The following MIS12 variants were observed in gnomAD, a reference collection of about 807,000 sequenced individuals.
The protein encoded by MIS12 is protein MIS12 homolog.
In MIS12, 13 loss-of-function variants were observed where a neutral mutation model predicts 16.5. The ratio of observed to expected loss-of-function variants is 0.79; its 90% CI spans 0.51 to 1.25. The LOEUF (loss-of-function observed/expected upper bound fraction) is 1.25, where lower values mean the gene tolerates loss of function less well. Among genes scored for constraint, MIS12 ranks in the 50% most tolerant of loss-of-function variants. The pLI is 0.00. For missense variants in MIS12, 199 were observed against 239.5 expected, an observed-to-expected ratio of 0.83 and a Z score of 1.12; for synonymous variants, 97 against 87.3, an observed-to-expected ratio of 1.11 and a Z score of -0.62.
At position 5,489,080 on chromosome 17, in the gene MIS12, G is replaced by T. The variant is rs377183328; in HGVS notation, c.218G>T (p.Gly73Val). The T allele has an allele frequency of 3.7e-6, 6 of 1,614,062 alleles. No individual in the cohort carries two copies. In the African/African-American group the frequency reaches 8.0e-5, roughly 22 times the overall value. ...GAGAAGTTTCTTTGCTTCATGAAAG[G>T]ACATTTTGATAACCTTTTTAGCAAA... The part of the protein sequence containing the change: ...CTEKFLCFMK[G>V]HFDNLFSKME... Residue 73 changes from glycine (G) to valine (V), a missense_variant, in exon 3 of 3, where the codon GGA becomes GTA. Physicochemically the swap from Gly to Val is moderately radical, Grantham distance 109 (BLOSUM62 -3). Transcript: ENST00000611091.
Position 5,489,150 on chromosome 17 carries a change from C to T in MIS12, c.288C>T (p.Asn96=). 6.2e-7 allele frequency: 1 copy of T among 1,614,198 alleles called. No homozygotes were observed. Residue 96 remains asparagine (N), a synonymous_variant, in exon 3 of 3, where the codon AAC becomes AAT. Coordinates refer to ENST00000611091, the MANE Select transcript of MIS12 (RefSeq NM_001258217.2). ...FLQLILRIPS[N]ILLPEDKCKE... ...AGCTGATTTTACGTATTCCCTCAAA[C>T]ATCTTGCTTCCTGAAGATAAATGTA...
chr17:5,489,669 G>GC lies in MIS12; in HGVS notation c.*189_*190insC. Reference sequence around the variant, plus strand: ...TTGGTCCACTTTGCTGAGGTATGAAGTGTACTACTTTGAACTAGGCTGAAG... The same window carrying GC: ...TTGGTCCACTTTGCTGAGGTATGAAGCTGTACTACTTTGAACTAGGCTGAAG... On this transcript the variant is annotated 3_prime_UTR_variant, in exon 3 of 3. Transcript: ENST00000611091. 2 of 626,030 alleles carry GC rather than the reference G, an allele frequency of 3.2e-6. No individual in the cohort carries two copies. Among genetic ancestry groups the GC allele is most frequent in the South Asian group, 2.8e-5 (1 of 36,098 alleles). The allele number at this position is 626,030 out of a possible 1,614,324, so 38.8% of individuals were successfully genotyped here.
chr17:5,489,475 T>A lies in MIS12; in HGVS notation c.613T>A (p.Ser205Thr). The change falls in exon 3 of 3, where the codon TCT becomes ACT. Residue 205 changes from serine (S) to threonine (T), a missense_variant. Ser to Thr is a moderately conservative substitution (Grantham distance 58). Coordinates refer to ENST00000611091, the MANE Select transcript of MIS12 (RefSeq NM_001258217.2). ...AAAGGAATCGAAACGACTGAAAATA[T>A]CTTAATTGCTCAGTAGTCAAAAGGA... is the stretch of plus-strand genomic sequence containing the variant. ...VEKESKRLKI[S>T] is the part of the protein sequence containing the mutation. The A allele has an allele frequency of 6.3e-7, 1 of 1,582,592 alleles. No homozygotes were observed. The highest frequency in any genetic ancestry group is 1.2e-5 in the South Asian group (1 of 84,614).
Position 5,488,747 on chromosome 17 carries a change from A to C in MIS12, c.-40-76A>C. On this transcript the variant is annotated intron_variant, in intron 2 of 2. Transcript: ENST00000611091. The stretch of plus-strand genomic sequence containing the variant: ...TTATTGATTTGCTTCTTTGTTTGCT[A>C]TCTGTAATGTGATTGGTTACTTCCT... 4 of 1,128,126 alleles carry C rather than the reference A, an allele frequency of 3.5e-6. No homozygotes were observed. The South Asian group carries it at 6.4e-5, about 18-fold the overall frequency. 69.9% of individuals were successfully genotyped at this position (1,128,126 alleles called of 1,614,324 possible). A position where few individuals can be genotyped will look rare whatever the true frequency, so the allele number is the denominator to read the frequency against.
chr17:5,487,866 T>C (rs1906486109), intron 1 of MIS12, among the ~76,000 whole-genome samples: 4 of 152,240 alleles, frequency 2.6e-5, no homozygotes, highest in Non-Finnish European at 4.4e-5. Flanking sequence ...CTGCATCTTA[T>C]CTTCCCATAA....
In MIS12 at chr17:5,489,311, C is replaced by T. The variant is rs373784464; in HGVS notation, c.449C>T (p.Ala150Val). The T allele has an allele frequency of 6.2e-7, 1 of 1,613,828 alleles. No individual in the cohort carries two copies. Among genetic ancestry groups the T allele is most frequent in the Non-Finnish European group, 8.5e-7 (1 of 1,180,028 alleles). ...AELEEQKIVQAKLKQTLTFFD... is the reference protein window; with the variant it reads ...AELEEQKIVQVKLKQTLTFFD... ...TTAGAAGAGCAAAAAATTGTTCAGG[C>T]CAAACTCAAACAGACGTTGACTTTC... is the stretch of plus-strand genomic sequence containing the variant. The change falls in exon 3 of 3, where the codon GCC (alanine) becomes GTC (valine). Residue 150 changes from alanine (A) to valine (V), a missense_variant. By Grantham distance (64) the Ala-to-Val change is moderately conservative (BLOSUM62 0). Transcript: ENST00000611091.
rs1360074140 is a variant in MIS12 at position 5,488,974 on chromosome 17, G to C, written c.112G>C (p.Ala38Pro). 1.2e-6 allele frequency: 2 copies of C among 1,614,104 alleles called. No individual in the cohort carries two copies. The highest frequency in any genetic ancestry group is 1.7e-6 in the Non-Finnish European group (2 of 1,180,052). Residue 38 changes from alanine (A) to proline (P), a missense_variant, in exon 3 of 3, where the codon GCC becomes CCC. Physicochemically the swap from Ala to Pro is conservative, Grantham distance 27. Transcript: ENST00000611091. The part of the protein sequence containing the change: ...FQDYLFEVMQ[A>P]VEQVILKKLD... Reference sequence around the variant, plus strand: ...AGACTACCTATTTGAAGTGATGCAGGCCGTTGAACAGGTTATTCTGAAGAA... The same window carrying C: ...AGACTACCTATTTGAAGTGATGCAGCCCGTTGAACAGGTTATTCTGAAGAA...
chr17:5,487,684 A>G (rs1416214793), intron 1 of MIS12: 1 of 152,074 alleles, frequency 6.6e-6, no homozygotes, highest in Non-Finnish European at 1.5e-5. Context: ...AGTATCCACC[A>G]TCACGCCTGG....
chr17:5,487,933 T>A (rs1348361107), intron 1 of MIS12, among the ~76,000 whole-genome samples: 1 of 152,244 alleles, frequency 6.6e-6, no homozygotes, highest in Non-Finnish European at 1.5e-5. Flanking sequence ...TAAATTCACC[T>A]GATAATTGAA....
At chr17:5,486,767 G>A (rs9906197) in intron 1 of MIS12, 83 bp downstream of exon 1, 17,532 of 152,472 alleles carry the variant, frequency 0.11, 1,190 homozygotes, top group East Asian at 0.26. Flanking sequence ...AGGGAGCAAG[G>A]CGGCCTGTGG....
At position 5,489,510 on chromosome 17, in the gene MIS12, C is replaced by T; in HGVS notation, c.*30C>T. ...TCAGTAGTCAAAAGGAGGAGCCTGT[C>T]AAAAAGTAGAATCATAAGGACTGTT... On this transcript the variant is annotated 3_prime_UTR_variant, in exon 3 of 3. Transcript: ENST00000611091. 1 of 1,548,026 alleles carries T rather than the reference C, an allele frequency of 6.5e-7. No individual in the cohort carries two copies. Among genetic ancestry groups the T allele is most frequent in the South Asian group, 1.3e-5 (1 of 77,256 alleles).
chr17:5,489,474 A>G lies in MIS12; in HGVS notation c.612A>G (p.Ile204Met). ...NVEKESKRLK[I>M]S Reference sequence around the variant, plus strand: ...AAAAGGAATCGAAACGACTGAAAATATCTTAATTGCTCAGTAGTCAAAAGG... The same window carrying G: ...AAAAGGAATCGAAACGACTGAAAATGTCTTAATTGCTCAGTAGTCAAAAGG... Residue 204 changes from isoleucine to methionine, a missense_variant, in exon 3 of 3, where the codon ATA (isoleucine) becomes ATG (methionine). Coordinates refer to ENST00000611091, the MANE Select transcript of MIS12 (RefSeq NM_001258217.2). 1 of 1,584,286 alleles carries G rather than the reference A, an allele frequency of 6.3e-7. No homozygotes were observed. The highest frequency in any genetic ancestry group is 2.2e-5 in the East Asian group (1 of 44,756).
At position 5,489,127 on chromosome 17, in the gene MIS12, C is replaced by T; in HGVS notation, c.265C>T (p.Leu89=). 8 of 1,614,198 alleles carry T rather than the reference C, an allele frequency of 5.0e-6. No individual in the cohort carries two copies. The highest frequency in any genetic ancestry group is 6.8e-6 in the Non-Finnish European group (8 of 1,180,036). Residue 89 remains leucine, a synonymous_variant, in exon 3 of 3, where the codon CTG becomes TTG. Coordinates refer to ENST00000611091, the MANE Select transcript of MIS12 (RefSeq NM_001258217.2). ...FSKMEQLFLQ[L]ILRIPSNILL... is the part of the protein sequence containing the mutation. ...CAAAATGGAGCAACTGTTTTTGCAG[C>T]TGATTTTACGTATTCCCTCAAACAT...
rs762332119 is a variant in MIS12 at position 5,490,082 on chromosome 17, G to T, written c.*602G>T. 1.8e-5 allele frequency: 3 copies of T among 167,028 alleles called. No individual in the cohort carries two copies. Among genetic ancestry groups the T allele is most frequent in the Non-Finnish European group, 2.9e-5 (2 of 68,142 alleles). 10.3% of individuals were successfully genotyped at this position (167,028 alleles called of 1,614,324 possible). A position where few individuals can be genotyped will look rare whatever the true frequency, so the allele number is the denominator to read the frequency against. On this transcript the variant is annotated 3_prime_UTR_variant, in exon 3 of 3. Coordinates refer to ENST00000611091, the MANE Select transcript of MIS12 (RefSeq NM_001258217.2). The stretch of plus-strand genomic sequence containing the variant: ...CTCACTATATTGTCCAGGCTGAGTG[G>T]CTCTTTTATTAACCAGTCATTACAC...
rs1224784023 is a variant in MIS12 at position 5,490,173 on chromosome 17, AT to A, written c.*694del. 10 of 167,114 alleles carry A rather than the reference AT, an allele frequency of 6.0e-5. No individual in the cohort carries two copies. The Admixed American group carries it at 6.5e-4, about 11-fold the overall frequency. 10.4% of individuals were successfully genotyped at this position (167,114 alleles called of 1,614,324 possible). On this transcript the variant is annotated 3_prime_UTR_variant, in exon 3 of 3. Transcript: ENST00000611091. ...AATTTTCTTTCATGAGGGAGTCAAT[AT>A]GTAGTGGAAAGAAGCATGTAGCAAA...
chr17:5,486,998 C>T (rs1275226183), intron 1 of MIS12: 2 of 152,306 alleles, frequency 1.3e-5, no homozygotes, highest in Non-Finnish European at 2.9e-5. Flanking sequence ...ATTCTGCTCT[C>T]AGGAACTCTA....
chr17:5,490,369 C>G lies in MIS12; in HGVS notation c.*889C>G, dbSNP rs1170775299. 1 of 167,088 alleles carries G rather than the reference C, an allele frequency of 6.0e-6. No homozygotes were observed. The highest frequency in any genetic ancestry group is 6.5e-5 in the Admixed American group (1 of 15,280). The allele number at this position is 167,088 out of a possible 1,614,324, so 10.4% of individuals were successfully genotyped here. On this transcript the variant is annotated 3_prime_UTR_variant, in exon 3 of 3. Transcript: ENST00000611091. ...TAGAAAAGGAAGCATGTAGCATATA[C>G]TCAGTAGTGAAATTTAATTTTACTG...
upstream of MIS12, chr17:5,486,550 G>A (rs1396173492): frequency 1.2e-5 from 2 of 165,106 alleles, no homozygotes; most frequent in Non-Finnish European, 2.6e-5. Flanking sequence ...GTTTGCTTTC[G>A]CTCGCCGAGG....
rs985561922 is a variant in MIS12, at chr17:5,489,580, C to T, written c.*100C>T. On this transcript the variant is annotated 3_prime_UTR_variant, in exon 3 of 3. Coordinates refer to ENST00000611091, the MANE Select transcript of MIS12 (RefSeq NM_001258217.2). The stretch of plus-strand genomic sequence containing the variant: ...AAATCATACCAGTGACTGTTCAAAC[C>T]AACCATACTTTTTATTAGATTTGCT... 100 of 1,266,306 alleles carry T rather than the reference C, an allele frequency of 7.9e-5. No individual in the cohort carries two copies. Among genetic ancestry groups the T allele is most frequent in the Non-Finnish European group, 9.7e-5 (90 of 928,844 alleles). 78.4% of individuals were successfully genotyped at this position (1,266,306 alleles called of 1,614,324 possible).
Sources: gnomAD v4.1 joint callset for allele counts (sites outside exome capture counted in the v4.1 genomes callset) on GRCh38, gnomAD v4.1.1 for gene constraint, MANE v1.5 for transcripts, NCBI Gene and HGNC (gene_info 2026-07-23, HGNC 2026-07-21) for gene names.